SIPA1L2: variants seen among roughly 807,000 people sequenced by gnomAD.
SIPA1L2 encodes the protein signal induced proliferation associated 1 like 2.
A neutral mutation model predicts 163.9 loss-of-function variants in SIPA1L2; 56 were observed. The ratio of observed to expected loss-of-function variants is 0.34; its 90% CI spans 0.28 to 0.43. The LOEUF (loss-of-function observed/expected upper bound fraction) is 0.43, where lower values mean the gene tolerates loss of function less well. SIPA1L2 is among the 20% of genes least tolerant of loss of function. The pLI, the probability that SIPA1L2 is intolerant of heterozygous loss-of-function variation, is 1.00. For missense variants in SIPA1L2, 1,974 were observed against 2,193.5 expected (o/e 0.90, Z 2.00); for synonymous variants, 877 against 865.7 (o/e 1.01, Z -0.23).
intron 2 of SIPA1L2, among the ~76,000 whole-genome samples, chr1:232,515,961 T>C (rs1667202768): frequency 6.6e-6 from 1 of 152,228 alleles, no homozygotes; most frequent in South Asian, 2.1e-4. Context: ...TGACTTCAAG[T>C]TCCTCTAAGC....
At chr1:232,427,807 ATATCTC>A (rs2102819043) in intron 17 of SIPA1L2, among the ~76,000 whole-genome samples, 1 of 152,342 alleles carries the variant, frequency 6.6e-6, no homozygotes, top group Admixed American at 6.5e-5. Context: ...TGATCTCTGC[ATATCTC>A]TAAATGGCAG....
intron 8 of SIPA1L2, among the ~76,000 whole-genome samples, chr1:232,468,116 A>C (rs1024275722): frequency 2.0e-5 from 3 of 152,244 alleles, no homozygotes; most frequent in Admixed American, 6.5e-5. Context: ...CCTTGGTTAC[A>C]AAAGCTCATA....
chr1:232,611,491 C>T (rs1662232681), intron 1 of SIPA1L2, among the ~76,000 whole-genome samples: 1 of 152,120 alleles, frequency 6.6e-6, no homozygotes, highest in Non-Finnish European at 1.5e-5. Context: ...GTGATATGAA[C>T]AATAAGGTCC....
intron 2 of SIPA1L2, among the ~76,000 whole-genome samples, chr1:232,537,762 C>T (rs574893361): frequency 4.6e-5 from 7 of 152,262 alleles, no homozygotes; most frequent in African/African-American, 1.7e-4. Context: ...TTAATAGGAC[C>T]TAACTCACAG....
At chr1:232,524,080 T>G (rs1302484423) in intron 2 of SIPA1L2, among the ~76,000 whole-genome samples, 1 of 152,212 alleles carries the variant, frequency 6.6e-6, no homozygotes, top group African/African-American at 2.4e-5. Flanking sequence ...GATACTGAGT[T>G]TTGCTGAACA....
intron 22 of SIPA1L2, 70 bp from the exon 23 acceptor site, chr1:232,399,343 C>T (rs142280301): frequency 3.5e-5 from 53 of 1,516,948 alleles, no homozygotes; most frequent in South Asian, 1.2e-4. Context: ...AGCTGGGCTA[C>T]GAGAATCTTT....
At chr1:232,530,124 T>C (rs950848412) in intron 2 of SIPA1L2, among the ~76,000 whole-genome samples, 3 of 147,172 alleles carry the variant, frequency 2.0e-5, no homozygotes, top group Middle Eastern at 7.0e-3. Flanking sequence ...CATTTATTCT[T>C]TTTTTTTTTT....
chr1:232,455,079 T>G (rs1663815180), intron 10 of SIPA1L2, among the ~76,000 whole-genome samples: 1 of 152,212 alleles, frequency 6.6e-6, no homozygotes. Context: ...TATAATCCTA[T>G]GTTCTTACTT....
intron 17 of SIPA1L2, 21 bp downstream of exon 17, chr1:232,428,390 A>G (rs1291048575): frequency 2.8e-6 from 4 of 1,420,072 alleles, no homozygotes; most frequent in Admixed American, 5.6e-5. Context: ...TGGTAACTTC[A>G]AAGCTCCCTA....
intron 2 of SIPA1L2, among the ~76,000 whole-genome samples, chr1:232,532,372 T>C (rs1394820338): frequency 6.6e-6 from 1 of 152,148 alleles, no homozygotes; most frequent in East Asian, 1.9e-4. Flanking sequence ...TACGGTTAAA[T>C]AGATCACATG....
intron 1 of SIPA1L2, among the ~76,000 whole-genome samples, chr1:232,598,874 G>A (rs1661426275): frequency 6.7e-6 from 1 of 149,314 alleles, no homozygotes; most frequent in African/African-American, 2.5e-5. Flanking sequence ...CTGGTGAGCA[G>A]ACTAAGATGA....
chr1:232,424,084 A>ACT (rs1447556627), intron 18 of SIPA1L2, among the ~76,000 whole-genome samples: 4 of 152,112 alleles, frequency 2.6e-5, no homozygotes, highest in Non-Finnish European at 5.9e-5. Flanking sequence ...CATTTTAGAA[A>ACT]CACACAGAAT....
intron 1 of SIPA1L2, among the ~76,000 whole-genome samples, chr1:232,609,237 G>A (rs745403926): frequency 3.9e-5 from 6 of 152,114 alleles, no homozygotes; most frequent in East Asian, 1.9e-4. Context: ...TCCAGAATCC[G>A]TTTTGTTCAT....
chr1:232,497,181 C>T (rs1468450433), intron 3 of SIPA1L2, among the ~76,000 whole-genome samples: 1 of 152,168 alleles, frequency 6.6e-6, no homozygotes, highest in Non-Finnish European at 1.5e-5. Context: ...AAAGGGCCAA[C>T]TACAGAGGAG....
intron 17 of SIPA1L2, among the ~76,000 whole-genome samples, chr1:232,427,268 T>G (rs1166152975): frequency 6.6e-6 from 1 of 152,236 alleles, no homozygotes; most frequent in Non-Finnish European, 1.5e-5. Context: ...GATTCCCTCC[T>G]CACACACCAC....
intron 10 of SIPA1L2, among the ~76,000 whole-genome samples, chr1:232,447,538 C>G (rs1215543869): frequency 6.6e-6 from 1 of 152,256 alleles, no homozygotes; most frequent in African/African-American, 2.4e-5. Context: ...CAGAGAATGG[C>G]TGAACTTCAG....
intron 12 of SIPA1L2, among the ~76,000 whole-genome samples, chr1:232,443,314 C>T (rs1051630127): frequency 1.1e-4 from 17 of 152,190 alleles, no homozygotes; most frequent in African/African-American, 3.9e-4. Flanking sequence ...TCCTCATCAG[C>T]AATTTAAGTC....
At chr1:232,513,820 C>T (rs1467144988) in intron 3 of SIPA1L2, 37 bp downstream of exon 3, 5 of 1,527,254 alleles carry the variant, frequency 3.3e-6, no homozygotes, top group Non-Finnish European at 4.4e-6. Context: ...AAAAACTACT[C>T]CCGAGACACA....
chr1:232,473,569 C>T (rs898933881), intron 7 of SIPA1L2, among the ~76,000 whole-genome samples: 9 of 152,216 alleles, frequency 5.9e-5, no homozygotes, highest in Admixed American at 5.9e-4. Flanking sequence ...CCTGAAGGAA[C>T]ATGATGGGTC....
Sources: gnomAD v4.1 joint callset for allele counts (sites outside exome capture counted in the v4.1 genomes callset) on GRCh38, gnomAD v4.1.1 for gene constraint, MANE v1.5 for transcripts, NCBI Gene and HGNC (gene_info 2026-07-23, HGNC 2026-07-21) for gene names.